Variants in PSMD14 observed in about 807,000 individuals in gnomAD.
PSMD14 encodes ubiquitin C-terminal hydrolase PSMD14.
Under a neutral mutation model 41.2 loss-of-function variants are expected in PSMD14, and 7 were observed. That is an observed-to-expected ratio of 0.17 (90% CI 0.10 to 0.32). PSMD14 has a LOEUF of 0.32. Among genes scored for constraint, PSMD14 ranks in the 10% least tolerant of loss-of-function variants. The pLI is 1.00. For missense variants in PSMD14, 139 were observed against 375.6 expected, an observed-to-expected ratio of 0.37 and a Z score of 5.21; for synonymous variants, 114 against 122.3, an observed-to-expected ratio of 0.93 and a Z score of 0.45.
intron 10 of PSMD14, among the ~76,000 whole-genome samples, chr2:161,397,280 G>A (rs994134824): frequency 4.6e-5 from 7 of 152,162 alleles, no homozygotes; most frequent in African/African-American, 9.7e-5. Context: ...CAAAAGGTAC[G>A]AAGAGTCTGG....
chr2:161,379,224 A>G (rs1478211723), intron 7 of PSMD14, among the ~76,000 whole-genome samples: 1 of 151,998 alleles, frequency 6.6e-6, no homozygotes, highest in Non-Finnish European at 1.5e-5. Context: ...TAGCCACTAG[A>G]TAGAATTGAC....
chr2:161,331,580 G>C (rs1682792021), intron 3 of PSMD14, among the ~76,000 whole-genome samples: 1 of 152,132 alleles, frequency 6.6e-6, no homozygotes, highest in South Asian at 2.1e-4. Flanking sequence ...TTATAGCTCA[G>C]CCATTCTATA....
At chr2:161,340,914 C>G in intron 3 of PSMD14, 3 of 1,613,870 alleles carry the variant, frequency 1.9e-6, no homozygotes, top group Non-Finnish European at 2.5e-6. Context: ...GAAGGAGAAG[C>G]CTTCTCCGTC....
intron 8 of PSMD14, among the ~76,000 whole-genome samples, chr2:161,390,084 A>G (rs1683692882): frequency 6.6e-6 from 1 of 150,846 alleles, no homozygotes; most frequent in Admixed American, 6.6e-5. Context: ...ACCTTACAGT[A>G]CTATGAAGAT....
At chr2:161,358,409 T>G (rs1420320845) in intron 3 of PSMD14, among the ~76,000 whole-genome samples, 1 of 152,190 alleles carries the variant, frequency 6.6e-6, no homozygotes, top group Non-Finnish European at 1.5e-5. Context: ...TTCTTATTTA[T>G]GTCTAGGATT....
chr2:161,332,457 T>G (rs544548421), intron 3 of PSMD14, among the ~76,000 whole-genome samples: 1 of 152,316 alleles, frequency 6.6e-6, no homozygotes, highest in African/African-American at 2.4e-5. Context: ...TGTTGTACCT[T>G]GACTTGTAAT....
chr2:161,328,093 A>G (rs1378725451), intron 3 of PSMD14, among the ~76,000 whole-genome samples: 1 of 152,004 alleles, frequency 6.6e-6, no homozygotes, highest in Non-Finnish European at 1.5e-5. Flanking sequence ...GGTTAAAGTC[A>G]CTTCGGAGAG....
intron 7 of PSMD14, chr2:161,383,525 C>G (rs1683595169): frequency 6.6e-6 from 1 of 151,468 alleles, no homozygotes; most frequent in Non-Finnish European, 1.5e-5. Flanking sequence ...TTCACACCTG[C>G]TTATAATATT....
intron 3 of PSMD14, among the ~76,000 whole-genome samples, chr2:161,362,008 A>G (rs1455719726): frequency 2.0e-5 from 3 of 151,632 alleles, no homozygotes; most frequent in Non-Finnish European, 2.9e-5. Context: ...TACTGTCAGT[A>G]TTGTGTTTGG....
rs1553503770 is a variant in PSMD14 at position 161,327,946 on chromosome 2, C to CTCTGTGTG, written c.48+9074_48+9075insCTGTGTGT. ...GGGGAAGCAGGAATTCTCATGTAAG[C>CTCTGTGTG]TGTGTGTGTGTGTGTGTGTGTGTGT... On this transcript the variant is annotated intron_variant, in intron 3 of 11. Transcript: ENST00000409682. 6.4e-3 allele frequency among the ~76,000 whole-genome samples: 755 copies of CTCTGTGTG among 117,166 alleles called. 5 individuals are homozygous for CTCTGTGTG. The highest frequency in any genetic ancestry group is 0.03 in the Middle Eastern group (7 of 236). 76.9% of individuals were successfully genotyped at this position (117,166 alleles called of 152,430 possible).
chr2:161,410,283 A>AT (rs1201942773), intron 11 of PSMD14, among the ~76,000 whole-genome samples: 1 of 152,006 alleles, frequency 6.6e-6, no homozygotes, highest in East Asian at 1.9e-4. Flanking sequence ...TCACTTAATT[A>AT]TTTGTAACAT....
At position 161,406,154 on chromosome 2, in the gene PSMD14, G is replaced by C. The variant is rs563735618; in HGVS notation, c.772-2683G>C. 1.2e-3 allele frequency among the ~76,000 whole-genome samples: 181 copies of C among 152,202 alleles called. 1 individual carries two copies. Among genetic ancestry groups the C allele is most frequent in the South Asian group, 0.012 (57 of 4,826 alleles). ...TTCCATATAAGAAACTTGACCATTA[G>C]CAGAAAAAAGAGAATGAGGTTAATG... On this transcript the variant is annotated intron_variant, in intron 10 of 11. Transcript: ENST00000409682.
intron 7 of PSMD14, among the ~76,000 whole-genome samples, chr2:161,377,607 T>TA (rs1683520579): frequency 6.6e-6 from 1 of 151,902 alleles, no homozygotes; most frequent in African/African-American, 2.4e-5. Context: ...TATATAGAGG[T>TA]AAGAGTTCCT....
rs77715957 is a variant in PSMD14, at chr2:161,400,983, A to C, written c.771+5780A>C. On this transcript the variant is annotated intron_variant, in intron 10 of 11. Coordinates refer to ENST00000409682, the MANE Select transcript of PSMD14 (RefSeq NM_005805.6). ...AATAAAAATTTGTCAAAATGTATAC[A>C]TACATAGATGTACATGGCACCATTC... Among the ~76,000 whole-genome samples, 1,068 of 152,362 alleles carry C rather than the reference A, an allele frequency of 7.0e-3. 8 individuals carry two copies. Among genetic ancestry groups the C allele is most frequent in the Middle Eastern group, 0.031 (9 of 294 alleles).
intron 3 of PSMD14, among the ~76,000 whole-genome samples, chr2:161,326,157 C>T (rs750324786): frequency 1.1e-4 from 16 of 152,108 alleles, no homozygotes; most frequent in Non-Finnish European, 1.9e-4. Context: ...TCTGCCTCAG[C>T]CTCCTGAGTA....
intron 10 of PSMD14, 31 bp from the exon 11 acceptor site, chr2:161,408,806 T>C (rs1351828711): frequency 8.4e-6 from 13 of 1,542,492 alleles, no homozygotes; most frequent in Non-Finnish European, 1.2e-5. Context: ...ATTTATAATT[T>C]TAAACTCTGT....
At chr2:161,344,539 A>G (rs1349637256) in intron 3 of PSMD14, among the ~76,000 whole-genome samples, 1 of 152,250 alleles carries the variant, frequency 6.6e-6, no homozygotes, top group Non-Finnish European at 1.5e-5. Flanking sequence ...TACTTTTTTG[A>G]GAAAGTGTCA....
At chr2:161,402,731 A>C (rs1350283771) in intron 10 of PSMD14, among the ~76,000 whole-genome samples, 1 of 152,184 alleles carries the variant, frequency 6.6e-6, no homozygotes, top group Non-Finnish European at 1.5e-5. Context: ...GAACTCTTGC[A>C]ATGCAGCAAC....
At chr2:161,361,482 T>C (rs1683288840) in intron 3 of PSMD14, among the ~76,000 whole-genome samples, 1 of 151,838 alleles carries the variant, frequency 6.6e-6, no homozygotes, top group Admixed American at 6.6e-5. Context: ...ATACATATTA[T>C]TGGAAAATAG....
Sources: allele counts gnomAD v4.1 joint callset (sites outside exome capture counted in the v4.1 genomes callset), GRCh38; gene constraint gnomAD v4.1.1; transcripts MANE v1.5; gene names NCBI Gene and HGNC (gene_info 2026-07-23, HGNC 2026-07-21).